The following VPS13B variants were observed in gnomAD, a reference collection of about 807,000 sequenced individuals.
VPS13B encodes the protein intermembrane lipid transfer protein VPS13B.
A neutral mutation model predicts 426.4 loss-of-function variants in VPS13B; 285 were observed. That is an observed-to-expected ratio of 0.67 (90% CI 0.61 to 0.74). The LOEUF (loss-of-function observed/expected upper bound fraction) is 0.74. VPS13B is among the 30% of genes least tolerant of loss of function. VPS13B has a pLI of 0.00. For synonymous variants in VPS13B, 1,676 were observed against 1,676.4 expected (o/e 1.00, Z 0.01); for missense variants, 4,537 against 4,782.6 (o/e 0.95, Z 1.51).
At chr8:99,558,100 C>G (rs557497850) in intron 31 of VPS13B, among the ~76,000 whole-genome samples, 6 of 152,200 alleles carry the variant, frequency 3.9e-5, no homozygotes, top group Non-Finnish European at 2.9e-5. Flanking sequence ...TTGTCCATGT[C>G]TTGGCAATAA....
At chr8:99,776,167 G>A (rs1383470787) in intron 40 of VPS13B, among the ~76,000 whole-genome samples, 2 of 152,106 alleles carry the variant, frequency 1.3e-5, no homozygotes, top group African/African-American at 4.8e-5. Flanking sequence ...GTTTTTGAGT[G>A]GCAGAGTCAT....
intron 2 of VPS13B, among the ~76,000 whole-genome samples, chr8:99,021,135 T>C (rs1841861660): frequency 6.6e-6 from 1 of 152,192 alleles, no homozygotes; most frequent in Non-Finnish European, 1.5e-5. Flanking sequence ...ATTCATTTTG[T>C]TTATTGTCTA....
chr8:99,360,617 A>G (rs1038701727), intron 19 of VPS13B, among the ~76,000 whole-genome samples: 1 of 152,076 alleles, frequency 6.6e-6, no homozygotes, highest in Non-Finnish European at 1.5e-5. Flanking sequence ...TGAAGATACA[A>G]CAAAATACGA....
chr8:99,682,727 G>T (rs976476908), intron 35 of VPS13B, among the ~76,000 whole-genome samples: 1 of 152,126 alleles, frequency 6.6e-6, no homozygotes, highest in African/African-American at 2.4e-5. Context: ...CTCACCCAAG[G>T]CCCGTGATAA....
chr8:99,142,425 TGAG>T (rs1400310829), intron 12 of VPS13B, among the ~76,000 whole-genome samples: 2 of 152,280 alleles, frequency 1.3e-5, no homozygotes, highest in African/African-American at 2.4e-5. Flanking sequence ...TATGAGGAGA[TGAG>T]GAGTCTAGGA....
At chr8:99,061,296 C>CTTTTTTTTTTTTTTTTTTTTTTTT (rs36037937) in intron 3 of VPS13B, among the ~76,000 whole-genome samples, 1 of 112,948 alleles carries the variant, frequency 8.9e-6, no homozygotes, top group Non-Finnish European at 1.8e-5. Context: ...TGCTAATTTT[C>CTTTTTTTTTTTTTTTTTTTTTTTT]TTTTTTTTTT....
At chr8:99,648,926 T>C (rs1362766398) in intron 34 of VPS13B, among the ~76,000 whole-genome samples, 1 of 151,670 alleles carries the variant, frequency 6.6e-6, no homozygotes, top group East Asian at 2.0e-4. Context: ...CAATAAATAC[T>C]GTTTTCCTTC....
rs578068897 is a variant in VPS13B, at chr8:99,586,908, G to A, written c.5220+9275G>A. ...TTTCTTACATATGTATACATGTGCCGTGTTGGTTTGCTGCACGCATTAACT... is the reference window on the plus strand; with the variant it reads ...TTTCTTACATATGTATACATGTGCCATGTTGGTTTGCTGCACGCATTAACT... On this transcript the variant is annotated intron_variant, in intron 33 of 61. Coordinates refer to ENST00000357162, the MANE Select transcript of VPS13B (RefSeq NM_152564.5). Among the ~76,000 whole-genome samples the A allele has an allele frequency of 1.9e-4, 29 of 152,118 alleles. No homozygotes were observed. In the South Asian group the frequency reaches 3.3e-3, roughly 17 times the overall value.
chr8:99,266,157 A>G (rs1818284659), intron 17 of VPS13B, among the ~76,000 whole-genome samples: 1 of 152,110 alleles, frequency 6.6e-6, no homozygotes, highest in African/African-American at 2.4e-5. Context: ...ACACTGAGGG[A>G]GAGGTCTCAG....
intron 19 of VPS13B, among the ~76,000 whole-genome samples, chr8:99,303,702 G>A (rs1026454937): frequency 5.0e-5 from 6 of 120,274 alleles, no homozygotes; most frequent in African/African-American, 6.6e-5. Flanking sequence ...GCACTCCAGC[G>A]TGGGTGAGAC....
intron 17 of VPS13B, among the ~76,000 whole-genome samples, chr8:99,208,574 C>G (rs1814872931): frequency 7.1e-6 from 1 of 141,666 alleles, no homozygotes; most frequent in Non-Finnish European, 1.5e-5. Flanking sequence ...GTTGATTTTA[C>G]TAGATTTTTG....
chr8:99,391,633 C>T lies in VPS13B; in HGVS notation c.3011C>T (p.Pro1004Leu), dbSNP rs781433210. The T allele has an allele frequency of 1.2e-6, 2 of 1,614,060 alleles. No individual in the cohort carries two copies. Among genetic ancestry groups the T allele is most frequent in the South Asian group, 1.1e-5 (1 of 91,078 alleles). The change falls in exon 21 of 62, where the codon CCC becomes CTC. Residue 1004 changes from proline (P) to leucine (L), a missense_variant. Pro to Leu is a moderately conservative substitution (Grantham distance 98, BLOSUM62 -3). This residue lies in a region of VPS13B where 4,311 missense variants were observed against 4,474.3 expected (regional missense o/e 0.96). Transcript: ENST00000357162. ...KEDEVSIGSA[P>L]LAKQQSYQAS... ...GATGAGGTGTCTATTGGAAGTGCCC[C>T]CTTGGCAAAGCAGCAATCATATCAG... is the stretch of plus-strand genomic sequence containing the variant.
chr8:99,424,090 T>C (rs1173290465), intron 21 of VPS13B, among the ~76,000 whole-genome samples: 1 of 152,182 alleles, frequency 6.6e-6, no homozygotes, highest in Non-Finnish European at 1.5e-5. Context: ...ATCTGTGTGC[T>C]CCTGTATTGG....
At chr8:99,711,754 T>G (rs1329217741) in intron 36 of VPS13B, among the ~76,000 whole-genome samples, 1 of 152,216 alleles carries the variant, frequency 6.6e-6, no homozygotes, top group African/African-American at 2.4e-5. Flanking sequence ...TTGCAGACCT[T>G]GAAGCTAATA....
chr8:99,676,899 G>A (rs745792383), intron 35 of VPS13B, among the ~76,000 whole-genome samples: 10 of 152,092 alleles, frequency 6.6e-5, no homozygotes, highest in East Asian at 1.9e-4. Flanking sequence ...GGAGGCTGCC[G>A]TGGGTGGATC....
At chr8:99,133,032 G>A (rs760544803) in intron 8 of VPS13B, among the ~76,000 whole-genome samples, 1 of 152,220 alleles carries the variant, frequency 6.6e-6, no homozygotes, top group African/African-American at 2.4e-5. Flanking sequence ...AAGAGCATCC[G>A]CCTGTATTTT....
At chr8:99,311,121 GTCC>G (rs1820946729) in intron 19 of VPS13B, among the ~76,000 whole-genome samples, 2 of 151,894 alleles carry the variant, frequency 1.3e-5, no homozygotes, top group Non-Finnish European at 2.9e-5. Context: ...AAAAAACCAG[GTCC>G]TGGATTCGTT....
At chr8:99,278,254 G>A (rs1427490047) in intron 19 of VPS13B, among the ~76,000 whole-genome samples, 1 of 152,142 alleles carries the variant, frequency 6.6e-6, no homozygotes, top group Non-Finnish European at 1.5e-5. Flanking sequence ...TGTTGCAGAT[G>A]TTACGTAAAA....
intron 17 of VPS13B, among the ~76,000 whole-genome samples, chr8:99,257,247 A>G (rs576664403): frequency 1.2e-4 from 18 of 152,304 alleles, no homozygotes; most frequent in African/African-American, 3.6e-4. Flanking sequence ...GAAACAGGTT[A>G]GAGTTTTGTG....
Sources: gnomAD v4.1 joint callset for allele counts (sites outside exome capture counted in the v4.1 genomes callset) on GRCh38, gnomAD v4.1.1 for gene constraint, gnomAD v4.1.1 regional missense constraint, MANE v1.5 for transcripts, NCBI Gene and HGNC (gene_info 2026-07-23, HGNC 2026-07-21) for gene names.